PITRM1: variants seen among roughly 807,000 people sequenced by gnomAD.
The protein encoded by PITRM1 is presequence protease, mitochondrial.
PITRM1 carries 100 observed loss-of-function variants against 129.9 expected under a neutral mutation model. The observed-to-expected ratio is 0.77, with a 90% CI of 0.65 to 0.91. The LOEUF is 0.91. Ranked by LOEUF, PITRM1 falls within the 40% of genes least tolerant of loss-of-function variation. The probability of loss-of-function intolerance (pLI) is 0.00; values close to 1 mark genes in which losing one functional copy is unlikely to be tolerated. For synonymous variants in PITRM1, 591 were observed against 508.8 expected, an observed-to-expected ratio of 1.16 and a Z score of -2.17; for missense variants, 1,471 against 1,318.3, an observed-to-expected ratio of 1.12 and a Z score of -1.79.
In PITRM1 at chr10:3,163,739, G is replaced by T; in HGVS notation, c.777C>A (p.His259Gln). The change falls in exon 7 of 27, where the codon CAC becomes CAA. Residue 259 changes from histidine (H) to glutamine (Q), a missense_variant. By Grantham distance (24) the His-to-Gln change is conservative (BLOSUM62 0). Transcript: ENST00000224949. Reference sequence around the variant, plus strand: ...CAAAATATTACCTAGCATTGCTTGGGTGATAGTGAGTGGCATGAAACTGCT... The same window carrying T: ...CAAAATATTACCTAGCATTGCTTGGTTGATAGTGAGTGGCATGAAACTGCT... ...QLKQFHATHY[H>Q]PSNARFFTYG... 1 of 1,609,340 alleles carries T rather than the reference G, an allele frequency of 6.2e-7. No homozygotes were observed. Among genetic ancestry groups the T allele is most frequent in the Non-Finnish European group, 8.5e-7 (1 of 1,178,154 alleles).
At chr10:3,148,419 C>A in intron 16 of PITRM1, 128 bp from the exon 17 acceptor site, 2 of 1,208,386 alleles carry the variant, frequency 1.7e-6, no homozygotes, top group Non-Finnish European at 2.3e-6. Context: ...AACCTCTCTA[C>A]ACTTCGAAGG....
In PITRM1 at chr10:3,149,668, G is replaced by A. The variant is rs370041089; in HGVS notation, c.1824C>T (p.Pro608=). The A allele has an allele frequency of 1.8e-4, 286 of 1,604,914 alleles. 3 individuals carry two copies. In the African/African-American group the frequency reaches 3.1e-3, roughly 17 times the overall value. ...GGGGCACATAGGGCCTCAGCTCCTC[G>A]GGGAGTGTGTTCAGGCTGGAGAAGG... ...FRAFSSLNTL[P]EELRPYVPLF... is the part of the protein sequence containing the mutation. Residue 608 remains proline, a synonymous_variant, in exon 16 of 27, where the codon CCC becomes CCT. Coordinates refer to ENST00000224949, the MANE Select transcript of PITRM1 (RefSeq NM_014889.4).
At chr10:3,161,582 C>CCTT (rs1224940941) in intron 7 of PITRM1, among the ~76,000 whole-genome samples, 1 of 151,770 alleles carries the variant, frequency 6.6e-6, no homozygotes, top group Non-Finnish European at 1.5e-5. Flanking sequence ...CTCCAAAGAC[C>CCTT]CTTCCCCATT....
chr10:3,143,348 T>C, intron 23 of PITRM1, 41 bp downstream of exon 23: 1 of 1,271,092 alleles, frequency 7.9e-7, no homozygotes, highest in Non-Finnish European at 1.2e-6. Context: ...AGCTCTTCCG[T>C]AAGGCTCAGG....
At chr10:3,170,043 G>T in intron 2 of PITRM1, 61 bp downstream of exon 2, 2 of 1,285,854 alleles carry the variant, frequency 1.6e-6, no homozygotes, top group Non-Finnish European at 2.3e-6. Flanking sequence ...CCGTACATAG[G>T]CCAGAAGCCG....
chr10:3,139,343 G>A (rs1839950937), intron 24 of PITRM1, among the ~76,000 whole-genome samples: 1 of 152,220 alleles, frequency 6.6e-6, no homozygotes, highest in South Asian at 2.1e-4. Flanking sequence ...AGGAAAGTCA[G>A]TGGAGGGTAG....
At position 3,153,438 on chromosome 10, in the gene PITRM1, T is replaced by G. The variant is rs564702573; in HGVS notation, c.1622-2075A>C. Among the ~76,000 whole-genome samples the G allele has an allele frequency of 1.3e-4, 20 of 152,186 alleles. No homozygotes were observed. The South Asian group carries it at 3.7e-3, about 28-fold the overall frequency. On this transcript the variant is annotated intron_variant, in intron 14 of 26. Transcript: ENST00000224949. ...GGTTAAAAAATAGAGCTTAAAACAG[T>G]TGTCTCTAGTCTCCACTAAAAATAC...
Position 3,160,206 on chromosome 10 carries a change from G to A in PITRM1, c.916C>T (p.Pro306Ser), listed in dbSNP as rs1425130352. Residue 306 changes from proline to serine, a missense_variant and splice_region_variant, in exon 8 of 27, where the codon CCT becomes TCT. Pro to Ser is a moderately conservative substitution (Grantham distance 74, BLOSUM62 -1). Transcript: ENST00000224949. ...CACAAACACGGTGGGGCACTCACAG[G>A]CTTGTCCCAGGGTGTCTGAGCTGGC... ...VVPAQTPWDK[P>S]REFQITCGPD... 6 of 1,613,706 alleles carry A rather than the reference G, an allele frequency of 3.7e-6. No individual in the cohort carries two copies. The highest frequency in any genetic ancestry group is 1.7e-5 in the Admixed American group (1 of 59,996).
chr10:3,144,110 G>C (rs1840576056), intron 22 of PITRM1, 182 bp downstream of exon 22: 1 of 604,014 alleles, frequency 1.7e-6, no homozygotes, highest in South Asian at 2.0e-5. Context: ...CCTTCACTCA[G>C]TACTGTCTGA....
At chr10:3,150,509 T>C (rs774378005) in intron 15 of PITRM1, among the ~76,000 whole-genome samples, 88 of 151,582 alleles carry the variant, frequency 5.8e-4, no homozygotes, top group Non-Finnish European at 2.1e-4. Context: ...ATGCCCAGGG[T>C]GAAATCCCAT....
chr10:3,156,216 T>A (rs879805586), intron 13 of PITRM1, among the ~76,000 whole-genome samples: 1 of 152,224 alleles, frequency 6.6e-6, no homozygotes, highest in African/African-American at 2.4e-5. Flanking sequence ...ATGTTGACGT[T>A]AATATAAAAA....
At chr10:3,169,774 G>A (rs1490863535) in intron 2 of PITRM1, among the ~76,000 whole-genome samples, 3 of 152,222 alleles carry the variant, frequency 2.0e-5, no homozygotes, top group Non-Finnish European at 2.9e-5. Flanking sequence ...AACAGATCAG[G>A]GCAGTGAGTC....
rs758964887 is a variant in PITRM1, at chr10:3,159,969, A to G, written c.919-33T>C. ...ATGACGTGACGTTGTGAGTAGGCAC[A>G]GTGTCTGACGGTTGTCAACTACTCT... On this transcript the variant is annotated intron_variant, in intron 8 of 26. Coordinates refer to ENST00000224949, the MANE Select transcript of PITRM1 (RefSeq NM_014889.4). 4.1e-6 allele frequency: 6 copies of G among 1,473,224 alleles called. No individual in the cohort carries two copies. In the Admixed American group the frequency reaches 7.5e-5, roughly 18 times the overall value. 91.3% of individuals were successfully genotyped at this position (1,473,224 alleles called of 1,614,324 possible).
intron 24 of PITRM1, 41 bp downstream of exon 24, chr10:3,140,646 C>T (rs372766391): frequency 6.3e-5 from 98 of 1,555,406 alleles, no homozygotes; most frequent in East Asian, 4.8e-4. Context: ...AAGACTAAAA[C>T]GACGTGTGCA....
At chr10:3,144,183 G>A (rs771901731) in intron 22 of PITRM1, 109 bp downstream of exon 22, 33 of 678,044 alleles carry the variant, frequency 4.9e-5, no homozygotes, top group Admixed American at 1.8e-4. Flanking sequence ...CTAGGGACAC[G>A]CCAGCCCCAC....
chr10:3,157,221 C>CA (rs1217146314), intron 12 of PITRM1, 157 bp from the exon 13 acceptor site: 6 of 772,262 alleles, frequency 7.8e-6, no homozygotes, highest in Admixed American at 3.6e-5. Flanking sequence ...GATGGAGAAA[C>CA]AAAAAAACTT....
chr10:3,139,199 C>A lies in PITRM1; in HGVS notation c.2772-150G>T, dbSNP rs75087526. On this transcript the variant is annotated intron_variant, in intron 24 of 26. Coordinates refer to ENST00000224949, the MANE Select transcript of PITRM1 (RefSeq NM_014889.4). ...GTCCAAACAGCCCACTGACAAATCG[C>A]TCAATTACTCTCAATGGAAATTTAA... 648 of 676,618 alleles carry A rather than the reference C, an allele frequency of 9.6e-4. 6 individuals are homozygous for A. In the African/African-American group the frequency reaches 0.01, roughly 11 times the overall value. 41.9% of individuals were successfully genotyped at this position (676,618 alleles called of 1,614,324 possible). A position where few individuals can be genotyped will look rare whatever the true frequency, so the allele number is the denominator to read the frequency against.
chr10:3,144,455 G>T, intron 21 of PITRM1, 89 bp from the exon 22 acceptor site: 1 of 755,716 alleles, frequency 1.3e-6, no homozygotes, highest in Non-Finnish European at 2.2e-6. Flanking sequence ...AATTCACACA[G>T]CTAATAACAA....
chr10:3,168,834 G>A (rs975558925), intron 2 of PITRM1, among the ~76,000 whole-genome samples: 2 of 152,088 alleles, frequency 1.3e-5, no homozygotes, highest in African/African-American at 2.4e-5. Flanking sequence ...TCATAGCAGT[G>A]TGAGACTAGA....
Sources: allele counts gnomAD v4.1 joint callset (sites outside exome capture counted in the v4.1 genomes callset), GRCh38; gene constraint gnomAD v4.1.1; transcripts MANE v1.5; gene names NCBI Gene and HGNC (gene_info 2026-07-23, HGNC 2026-07-21).